FHIT: variants seen among roughly 807,000 people sequenced by gnomAD.
The protein encoded by FHIT is fragile histidine triad diadenosine triphosphatase.
FHIT carries 19 observed loss-of-function variants against 17.9 expected under a neutral mutation model. That is an observed-to-expected ratio of 1.06 (90% CI 0.74 to 1.56). The LOEUF is 1.56. Ranked by LOEUF, FHIT falls within the 40% of genes most tolerant of loss-of-function variation. The pLI is 0.00. For missense variants in FHIT, 248 were observed against 189.2 expected (o/e 1.31, Z -1.82); for synonymous variants, 81 against 69.7 (o/e 1.16, Z -0.81).
intron 3 of FHIT, among the ~76,000 whole-genome samples, chr3:60,900,648 C>G (rs1435795322): frequency 6.6e-6 from 1 of 151,884 alleles, no homozygotes; most frequent in Non-Finnish European, 1.5e-5. Context: ...ACCTTAAAGT[C>G]ATTGAAGAAA....
chr3:60,102,853 C>A (rs1366158521), intron 5 of FHIT, among the ~76,000 whole-genome samples: 1 of 152,126 alleles, frequency 6.6e-6, no homozygotes, highest in Non-Finnish European at 1.5e-5. Context: ...ACATATCAAA[C>A]CACACAAGTC....
At chr3:59,862,408 G>A (rs1284878740) in intron 8 of FHIT, among the ~76,000 whole-genome samples, 3 of 152,190 alleles carry the variant, frequency 2.0e-5, no homozygotes, top group Non-Finnish European at 4.4e-5. Context: ...AGATTTGGGT[G>A]GGAACACAGC....
At chr3:60,137,814 A>G (rs558920197) in intron 5 of FHIT, among the ~76,000 whole-genome samples, 19 of 152,336 alleles carry the variant, frequency 1.2e-4, no homozygotes, top group African/African-American at 4.1e-4. Flanking sequence ...TGATAAAAAG[A>G]AAGTGACAAC....
chr3:60,181,889 A>G (rs942499844), intron 5 of FHIT, among the ~76,000 whole-genome samples: 1 of 152,216 alleles, frequency 6.6e-6, no homozygotes, highest in African/African-American at 2.4e-5. Context: ...CCTCCTATAT[A>G]TATCTCTACC....
At chr3:59,971,080 A>T (rs1708157888) in intron 7 of FHIT, among the ~76,000 whole-genome samples, 1 of 152,170 alleles carries the variant, frequency 6.6e-6, no homozygotes, top group East Asian at 1.9e-4. Flanking sequence ...GGGAATTAGG[A>T]CAAAATTTTT....
At chr3:61,133,291 T>A (rs1005498602) in intron 2 of FHIT, among the ~76,000 whole-genome samples, 1 of 152,222 alleles carries the variant, frequency 6.6e-6, no homozygotes, top group Admixed American at 6.5e-5. Flanking sequence ...GGTACAACCA[T>A]GTCTGTTTTG....
intron 3 of FHIT, among the ~76,000 whole-genome samples, chr3:61,035,830 T>TA (rs2033211388): frequency 6.6e-6 from 1 of 152,186 alleles, no homozygotes; most frequent in Non-Finnish European, 1.5e-5. Context: ...TTACTCTAGT[T>TA]AGTCCCTCCA....
chr3:60,541,171 C>T (rs1160168357), intron 4 of FHIT, among the ~76,000 whole-genome samples: 1 of 152,202 alleles, frequency 6.6e-6, no homozygotes, highest in Non-Finnish European at 1.5e-5. Context: ...TCACACATTC[C>T]TCCTAAGACA....
intron 5 of FHIT, among the ~76,000 whole-genome samples, chr3:60,519,983 T>G (rs1022811430): frequency 6.6e-6 from 1 of 152,166 alleles, no homozygotes; most frequent in African/African-American, 2.4e-5. Context: ...CCAATAGCAA[T>G]ACAAGGTGGC....
At chr3:59,804,146 A>G (rs948375586) in intron 8 of FHIT, among the ~76,000 whole-genome samples, 1 of 152,212 alleles carries the variant, frequency 6.6e-6, no homozygotes, top group Non-Finnish European at 1.5e-5. Flanking sequence ...CAGAGCGACC[A>G]TCAGGTTATG....
At chr3:59,752,511 T>G (rs1462302467) in intron 8 of FHIT, among the ~76,000 whole-genome samples, 190 bp from the exon 9 acceptor site, 1 of 152,150 alleles carries the variant, frequency 6.6e-6, no homozygotes, top group African/African-American at 2.4e-5. Context: ...AATAATCAGA[T>G]CATTTGCCAT....
chr3:60,756,463 G>A (rs1467374287), intron 4 of FHIT, among the ~76,000 whole-genome samples: 1 of 152,212 alleles, frequency 6.6e-6, no homozygotes, highest in Non-Finnish European at 1.5e-5. Flanking sequence ...CAAGCTCCAG[G>A]CTGCTTCCAC....
intron 3 of FHIT, among the ~76,000 whole-genome samples, chr3:60,955,621 T>TATATATATAC (rs1559862411): frequency 2.4e-3 from 37 of 15,198 alleles, no homozygotes; most frequent in African/African-American, 2.8e-3. Context: ...TATATATATA[T>TATATATATAC]ATATATATAT....
intron 5 of FHIT, among the ~76,000 whole-genome samples, chr3:60,453,628 T>C (rs996029017): frequency 2.0e-5 from 3 of 152,136 alleles, no homozygotes; most frequent in African/African-American, 7.2e-5. Context: ...GCCCTGACTC[T>C]ATGTAAGTAT....
intron 5 of FHIT, among the ~76,000 whole-genome samples, chr3:60,514,093 C>T (rs2035053568): frequency 6.6e-6 from 1 of 152,134 alleles, no homozygotes; most frequent in African/African-American, 2.4e-5. Flanking sequence ...TTTCATCACC[C>T]AATAAAATCC....
intron 7 of FHIT, among the ~76,000 whole-genome samples, chr3:59,992,477 C>CT (rs1272924522): frequency 6.6e-6 from 1 of 152,054 alleles, no homozygotes; most frequent in Non-Finnish European, 1.5e-5. Flanking sequence ...ATTAGCGCAT[C>CT]TTTAGAAGCG....
chr3:60,933,776 T>C (rs1708069479), intron 3 of FHIT, among the ~76,000 whole-genome samples: 1 of 152,230 alleles, frequency 6.6e-6, no homozygotes, highest in South Asian at 2.1e-4. Flanking sequence ...CACTTACTAG[T>C]ATAGAAAGGT....
intron 5 of FHIT, among the ~76,000 whole-genome samples, chr3:60,030,145 G>A (rs1473841201): frequency 6.6e-6 from 1 of 152,006 alleles, no homozygotes; most frequent in African/African-American, 2.4e-5. Flanking sequence ...TTAGCATTAA[G>A]GTTTCCCCAC....
intron 5 of FHIT, among the ~76,000 whole-genome samples, chr3:60,061,642 C>T (rs1702298858): frequency 6.6e-6 from 1 of 152,170 alleles, no homozygotes; most frequent in Admixed American, 6.5e-5. Flanking sequence ...ACAAGTTTTA[C>T]ATCATAGAGT....
Sources: allele counts gnomAD v4.1 joint callset (sites outside exome capture counted in the v4.1 genomes callset), GRCh38; gene constraint gnomAD v4.1.1; transcripts MANE v1.5; gene names NCBI Gene and HGNC (gene_info 2026-07-23, HGNC 2026-07-21).